TRAF3IP2: variants seen among roughly 807,000 people sequenced by gnomAD.
TRAF3IP2 encodes E3 ubiquitin ligase TRAF3IP2.
Under a neutral mutation model 57.9 loss-of-function variants are expected in TRAF3IP2, and 35 were observed. The ratio of observed to expected loss-of-function variants is 0.60; its 90% CI spans 0.46 to 0.80. TRAF3IP2 has a LOEUF of 0.80. TRAF3IP2 is among the 30% of genes least tolerant of loss of function. The pLI is 0.00. For synonymous variants in TRAF3IP2, 251 were observed against 268.9 expected (o/e 0.93, Z 0.65); for missense variants, 556 against 706.4 (o/e 0.79, Z 2.41).
intron 6 of TRAF3IP2, chr6:111,567,313 T>G: frequency 9.2e-7 from 1 of 1,087,142 alleles, no homozygotes; most frequent in South Asian, 3.6e-5. Flanking sequence ...TTAAATTGAA[T>G]TCTGCTGCTC....
chr6:111,591,321 A>G lies in TRAF3IP2; in HGVS notation c.766T>C (p.Ser256Pro), dbSNP rs779990190. ...ACAQMLPPNL[S>P]PHAPWNYHYH... ...TGATAGTTCCATGGAGCATGTGGGGAAAGATTGGGAGGCAGCATCTGTGCA... is the reference window on the plus strand; with the variant it reads ...TGATAGTTCCATGGAGCATGTGGGGGAAGATTGGGAGGCAGCATCTGTGCA... Residue 256 changes from serine to proline, a missense_variant, in exon 2 of 9, where the codon TCC (serine) becomes CCC (proline). Physicochemically the swap from Ser to Pro is moderately conservative, Grantham distance 74. Coordinates refer to ENST00000368761, the MANE Select transcript of TRAF3IP2 (RefSeq NM_147686.4). The surrounding 1 kb of genome is among the most constrained non-coding windows in gnomAD (Gnocchi z 4.9). The G allele has an allele frequency of 1.5e-5, 22 of 1,515,284 alleles. No individual in the cohort carries two copies. Among genetic ancestry groups the G allele is most frequent in the Non-Finnish European group, 1.9e-5 (22 of 1,133,422 alleles). The allele number at this position is 1,515,284 out of a possible 1,614,324, so 93.9% of individuals were successfully genotyped here. A position where few individuals can be genotyped will look rare whatever the true frequency, so the allele number is the denominator to read the frequency against.
rs144405218 is a variant in TRAF3IP2, at chr6:111,564,319, C to T, written c.1477-1280G>A. 1.8e-3 allele frequency among the ~76,000 whole-genome samples: 271 copies of T among 152,254 alleles called. 2 individuals are homozygous for T. The highest frequency in any genetic ancestry group is 6.2e-3 in the African/African-American group (257 of 41,554). ...GCTAGAAGCACCCACCACACCAGCA[C>T]CGAGTACACATGAAAGGAAGGGGAT... On this transcript the variant is annotated intron_variant, in intron 7 of 8. Transcript: ENST00000368761.
intron 8 of TRAF3IP2, among the ~76,000 whole-genome samples, chr6:111,561,426 A>C (rs1262444193): frequency 6.6e-6 from 1 of 152,144 alleles, no homozygotes; most frequent in East Asian, 1.9e-4. Flanking sequence ...ATGACAGAGC[A>C]AGACTCCGTC....
intron 1 of TRAF3IP2, among the ~76,000 whole-genome samples, chr6:111,594,773 G>A (rs1796626523): frequency 6.6e-6 from 1 of 152,218 alleles, no homozygotes; most frequent in Non-Finnish European, 1.5e-5. Context: ...AAATTAGCCA[G>A]GTGCGGTGGC....
intron 5 of TRAF3IP2, among the ~76,000 whole-genome samples, chr6:111,569,489 C>T (rs1027260880): frequency 2.6e-5 from 4 of 152,130 alleles, no homozygotes; most frequent in Non-Finnish European, 4.4e-5. Context: ...TGGTGGCTCA[C>T]GCCTGTAATC....
intron 8 of TRAF3IP2, among the ~76,000 whole-genome samples, chr6:111,560,446 T>C (rs1035398599): frequency 1.3e-5 from 2 of 152,166 alleles, no homozygotes; most frequent in African/African-American, 4.8e-5. Flanking sequence ...CATAAGGCCT[T>C]TGCTTTTGAG....
At chr6:111,559,597 C>T in intron 8 of TRAF3IP2, 46 bp from the exon 9 acceptor site, 1 of 1,594,886 alleles carries the variant, frequency 6.3e-7, no homozygotes, top group Non-Finnish European at 8.5e-7. Context: ...AGAGAAAAAC[C>T]TGGATGCCAG....
At chr6:111,580,505 T>G in intron 2 of TRAF3IP2, 116 bp from the exon 3 acceptor site, 2 of 829,304 alleles carry the variant, frequency 2.4e-6, no homozygotes, top group South Asian at 5.2e-5. Flanking sequence ...GGTCCAGATA[T>G]CTGTTACCAC....
intron 1 of TRAF3IP2, chr6:111,601,517 A>G (rs13210247): frequency 0.091 from 25,065 of 274,980 alleles, 1,437 homozygotes; most frequent in African/African-American, 0.17. Flanking sequence ...ATGTCCCCAG[A>G]AGAAGACAAA....
intron 1 of TRAF3IP2, among the ~76,000 whole-genome samples, chr6:111,594,154 C>T (rs1796610572): frequency 8.2e-6 from 1 of 122,378 alleles, no homozygotes; most frequent in Non-Finnish European, 1.9e-5. Context: ...AAATGCTCAC[C>T]ATTTTTTCCC....
chr6:111,560,033 G>C (rs1795377964), intron 8 of TRAF3IP2, among the ~76,000 whole-genome samples: 3 of 152,336 alleles, frequency 2.0e-5, no homozygotes, highest in South Asian at 4.1e-4. Context: ...AGGGATCCTG[G>C]GGGTGCAGTG....
chr6:111,588,686 A>C (rs1282165033), intron 2 of TRAF3IP2, among the ~76,000 whole-genome samples: 1 of 152,216 alleles, frequency 6.6e-6, no homozygotes, highest in African/African-American at 2.4e-5. Flanking sequence ...CATTAATCTA[A>C]GGAGTTAATC....
At chr6:111,583,297 T>C (rs1190537050) in intron 2 of TRAF3IP2, among the ~76,000 whole-genome samples, 1 of 152,208 alleles carries the variant, frequency 6.6e-6, no homozygotes, top group Non-Finnish European at 1.5e-5. Flanking sequence ...TAATACTTTC[T>C]AGGGCACAGG....
intron 1 of TRAF3IP2, among the ~76,000 whole-genome samples, chr6:111,602,620 A>G (rs1796909169): frequency 6.6e-6 from 1 of 152,076 alleles, no homozygotes; most frequent in Non-Finnish European, 1.5e-5. Context: ...GGGCAGTTGG[A>G]AGAGAAGGGA....
chr6:111,575,797 AGGTG>A lies in TRAF3IP2; in HGVS notation c.1043_1046del (p.Pro348LeufsTer17). ...ACTCCCCAGGAGCACCAGCTCTATT[AGGTG>A]GCTGGTGATGTGGCTGGTCCCTAGA... is the stretch of plus-strand genomic sequence containing the variant. On this transcript the variant is annotated frameshift_variant, in exon 4 of 9. Coordinates refer to ENST00000368761, the MANE Select transcript of TRAF3IP2 (RefSeq NM_147686.4). LOFTEE classifies it high-confidence loss of function. 1 of 1,610,056 alleles carries A rather than the reference AGGTG, an allele frequency of 6.2e-7. No homozygotes were observed. Among genetic ancestry groups the A allele is most frequent in the Non-Finnish European group, 8.5e-7 (1 of 1,178,782 alleles).
At position 111,575,784 on chromosome 6, in the gene TRAF3IP2, C is replaced by G; in HGVS notation, c.1060G>C (p.Ala354Pro). 1 of 1,609,656 alleles carries G rather than the reference C, an allele frequency of 6.2e-7. No homozygotes were observed. Among genetic ancestry groups the G allele is most frequent in the Non-Finnish European group, 8.5e-7 (1 of 1,178,678 alleles). Residue 354 changes from alanine (A) to proline (P), a missense_variant, in exon 4 of 9, where the codon GCT becomes CCT. By Grantham distance (27) the Ala-to-Pro change is conservative (BLOSUM62 -1). Around this residue, in one of 2 missense-constraint regions of TRAF3IP2, gnomAD observed 428 missense variants for 498.7 expected, o/e 0.86. Coordinates refer to ENST00000368761, the MANE Select transcript of TRAF3IP2 (RefSeq NM_147686.4). The part of the protein sequence containing the change: ...PHHQPPNRAG[A>P]PGESLECPAE... Reference sequence around the variant, plus strand: ...GGGCACTCCAAGGACTCCCCAGGAGCACCAGCTCTATTAGGTGGCTGGTGA... The same window carrying G: ...GGGCACTCCAAGGACTCCCCAGGAGGACCAGCTCTATTAGGTGGCTGGTGA...
Position 111,575,762 on chromosome 6 carries a change from C to T in TRAF3IP2, c.1082G>A (p.Cys361Tyr), listed in dbSNP as rs773316350. ...RAGAPGESLE[C>Y]PAELRPQVPQ... ...AACCTGTGGTCTCAGCTCTGCAGGG[C>T]ACTCCAAGGACTCCCCAGGAGCACC... The change falls in exon 4 of 9, where the codon TGC (cysteine) becomes TAC (tyrosine). Residue 361 changes from cysteine (C) to tyrosine (Y), a missense_variant. Around this residue, in one of 2 missense-constraint regions of TRAF3IP2, gnomAD observed 428 missense variants for 498.7 expected, o/e 0.86. Transcript: ENST00000368761. 7 of 1,611,370 alleles carry T rather than the reference C, an allele frequency of 4.3e-6. No homozygotes were observed. The highest frequency in any genetic ancestry group is 3.4e-5 in the Admixed American group (2 of 59,170).
chr6:111,587,349 G>A (rs1243877684), intron 2 of TRAF3IP2, among the ~76,000 whole-genome samples: 3 of 151,966 alleles, frequency 2.0e-5, no homozygotes, highest in Non-Finnish European at 4.4e-5. Context: ...TCCACCTTCC[G>A]GGTTCAAGTG....
chr6:111,568,649 G>A lies in TRAF3IP2; in HGVS notation c.1291-957C>T, dbSNP rs545962731. Among the ~76,000 whole-genome samples the A allele has an allele frequency of 2.6e-5, 4 of 152,286 alleles. No homozygotes were observed. In the East Asian group the frequency reaches 7.7e-4, roughly 29 times the overall value. On this transcript the variant is annotated intron_variant, in intron 5 of 8. Transcript: ENST00000368761. ...AATGTCATTCCAGGCCAGGCACGATGGCTCATGCCTATAATCCCAGCACTT... is the reference window on the plus strand; with the variant it reads ...AATGTCATTCCAGGCCAGGCACGATAGCTCATGCCTATAATCCCAGCACTT...
Sources: allele counts gnomAD v4.1 joint callset (sites outside exome capture counted in the v4.1 genomes callset), GRCh38; gene constraint gnomAD v4.1.1; regional missense constraint gnomAD v4.1.1; non-coding constraint Gnocchi (gnomAD v3.1); transcripts MANE v1.5; gene names NCBI Gene and HGNC (gene_info 2026-07-23, HGNC 2026-07-21).